Variants in KCNK2 observed in about 807,000 individuals in gnomAD.
KCNK2 encodes the protein potassium two pore domain channel subfamily K member 2.
Under a neutral mutation model 40.5 loss-of-function variants are expected in KCNK2, and 21 were observed. The ratio of observed to expected loss-of-function variants is 0.52; its 90% CI spans 0.37 to 0.75. The LOEUF is 0.75. Among genes scored for constraint, KCNK2 ranks in the 30% least tolerant of loss-of-function variants. The pLI is 0.00. For synonymous variants in KCNK2, 191 were observed against 202.2 expected, an observed-to-expected ratio of 0.94 and a Z score of 0.47; for missense variants, 399 against 531.6, an observed-to-expected ratio of 0.75 and a Z score of 2.45.
At chr1:215,193,434 CT>C (rs34175490) in intron 5 of KCNK2, among the ~76,000 whole-genome samples, 134,214 of 148,750 alleles carry the variant, frequency 0.9, 60,907 homozygotes, top group East Asian at 1. Context: ...GTTTTAATTA[CT>C]TTTTTTTTTT....
intron 6 of KCNK2, among the ~76,000 whole-genome samples, chr1:215,199,492 T>C (rs958612528): frequency 1.3e-5 from 2 of 152,316 alleles, no homozygotes; most frequent in Middle Eastern, 3.4e-3. Context: ...AAGTGCCACA[T>C]ATAATTATAG....
intron 5 of KCNK2, 151 bp from the exon 6 acceptor site, chr1:215,194,802 T>A: frequency 3.5e-6 from 2 of 573,688 alleles, no homozygotes; most frequent in South Asian, 2.7e-5. Context: ...AAGGAGAAAT[T>A]CAAAATGAAG....
chr1:215,191,933 G>T (rs1571713132), intron 5 of KCNK2, among the ~76,000 whole-genome samples: 1 of 152,120 alleles, frequency 6.6e-6, no homozygotes, highest in East Asian at 1.9e-4. Flanking sequence ...GACAGGGGCA[G>T]TGGCCCTGTC....
At chr1:215,093,619 T>G (rs1201475807) in intron 2 of KCNK2, among the ~76,000 whole-genome samples, 106 of 102,524 alleles carry the variant, frequency 1.0e-3, no homozygotes, top group Non-Finnish European at 1.5e-3. Flanking sequence ...ATATAATATA[T>G]AATATAGAAT....
At chr1:215,152,194 T>C (rs1482795747) in intron 3 of KCNK2, among the ~76,000 whole-genome samples, 2 of 127,358 alleles carry the variant, frequency 1.6e-5, no homozygotes, top group African/African-American at 5.3e-5. Context: ...GCCTAAATGC[T>C]GCATACTGAG....
intron 2 of KCNK2, among the ~76,000 whole-genome samples, chr1:215,121,440 AT>A (rs1197810450): frequency 6.6e-6 from 1 of 151,774 alleles, no homozygotes; most frequent in Non-Finnish European, 1.5e-5. Flanking sequence ...GGCCCAGCTA[AT>A]TTTTTGTATT....
chr1:215,146,937 G>A (rs1662443734), intron 3 of KCNK2, among the ~76,000 whole-genome samples: 1 of 152,180 alleles, frequency 6.6e-6, no homozygotes, highest in Non-Finnish European at 1.5e-5. Context: ...CTGATATGCA[G>A]TGAGATTGTG....
intron 1 of KCNK2, among the ~76,000 whole-genome samples, chr1:215,050,173 A>G (rs1254745903): frequency 1.3e-5 from 2 of 152,058 alleles, no homozygotes; most frequent in African/African-American, 4.8e-5. Flanking sequence ...TTTAATTAAC[A>G]TTTTGTAATT....
chr1:215,042,392 G>A lies in KCNK2; in HGVS notation c.34+36437G>A, dbSNP rs546347786. Among the ~76,000 whole-genome samples the A allele has an allele frequency of 5.5e-4, 83 of 152,250 alleles. 1 individual carries two copies. The highest frequency in any genetic ancestry group is 1.2e-3 in the South Asian group (6 of 4,824). The stretch of plus-strand genomic sequence containing the variant: ...GCCCTGGATAAGAAAACAAGGGATA[G>A]GAAAAGAAACTTGGTAAGGTTCATG... On this transcript the variant is annotated intron_variant, in intron 1 of 6. Transcript: ENST00000391895.
At chr1:215,080,465 G>A (rs961220778), upstream of KCNK2, among the ~76,000 whole-genome samples, 3 of 152,326 alleles carry the variant, frequency 2.0e-5, no homozygotes, top group Non-Finnish European at 1.5e-5. Context: ...CATTTCTCAT[G>A]TATGTAGGGT....
intron 2 of KCNK2, among the ~76,000 whole-genome samples, chr1:215,096,875 T>A (rs1361320497): frequency 2.6e-5 from 4 of 151,976 alleles, no homozygotes; most frequent in African/African-American, 9.7e-5. Context: ...CTATCACAGT[T>A]ATCCTAGGAC....
At chr1:215,091,440 T>TAAAC (rs1659689739) in intron 2 of KCNK2, among the ~76,000 whole-genome samples, 1 of 152,102 alleles carries the variant, frequency 6.6e-6, no homozygotes, top group South Asian at 2.1e-4. Flanking sequence ...GATAAATAAA[T>TAAAC]AAACATGCCT....
intron 1 of KCNK2, among the ~76,000 whole-genome samples, chr1:215,060,873 A>G (rs1658339274): frequency 6.6e-6 from 1 of 152,208 alleles, no homozygotes; most frequent in Non-Finnish European, 1.5e-5. Flanking sequence ...CTAAATATTA[A>G]GACTATATGA....
rs767058646 is a variant in KCNK2 at position 215,112,929 on chromosome 1, AC to A, written c.358-11703del. Among the ~76,000 whole-genome samples, 358 of 152,266 alleles carry A rather than the reference AC, an allele frequency of 2.4e-3. 6 individuals are homozygous for A. The highest frequency in any genetic ancestry group is 4.6e-4 in the Non-Finnish European group (31 of 68,018). On this transcript the variant is annotated intron_variant, in intron 2 of 6. Transcript: ENST00000444842. ...CACCTTTCTCAGTATCACATTTCTC[AC>A]TATCGCAAACTGACAGAATACAGTG...
At chr1:215,083,820 T>G (rs1010731320) in intron 1 of KCNK2, among the ~76,000 whole-genome samples, 1 of 152,154 alleles carries the variant, frequency 6.6e-6, no homozygotes, top group Non-Finnish European at 1.5e-5. Context: ...TTGCTTCCGC[T>G]GCTATTCAGT....
chr1:215,230,340 C>T (rs12402782), intron 6 of KCNK2, among the ~76,000 whole-genome samples: 4 of 149,308 alleles, frequency 2.7e-5, no homozygotes, highest in Non-Finnish European at 4.4e-5. Flanking sequence ...ACTTGTAACA[C>T]GATGGTGAGT....
At chr1:215,042,471 G>A (rs191687406) in intron 1 of KCNK2, among the ~76,000 whole-genome samples, 35 of 152,282 alleles carry the variant, frequency 2.3e-4, no homozygotes, top group African/African-American at 7.5e-4. Flanking sequence ...CTGATGATTT[G>A]TGGAAACAAA....
upstream of KCNK2, among the ~76,000 whole-genome samples, chr1:215,082,608 C>T (rs929085428): frequency 5.3e-5 from 8 of 152,042 alleles, no homozygotes; most frequent in Non-Finnish European, 1.0e-4. Flanking sequence ...AAGAGAGGAT[C>T]TTTAGAAGGG....
chr1:215,071,244 A>C (rs1658747156), intron 1 of KCNK2, among the ~76,000 whole-genome samples: 1 of 152,218 alleles, frequency 6.6e-6, no homozygotes, highest in African/African-American at 2.4e-5. Context: ...TCAAGGTCTC[A>C]GAGAAGCTTG....
Sources: allele counts gnomAD v4.1 joint callset (sites outside exome capture counted in the v4.1 genomes callset), GRCh38; gene constraint gnomAD v4.1.1; transcripts MANE v1.5; gene names NCBI Gene and HGNC (gene_info 2026-07-23, HGNC 2026-07-21).